The following GALNT3 variants were observed in gnomAD, a reference collection of about 807,000 sequenced individuals.
GALNT3 encodes the protein GalNAc transferase 3.
A neutral mutation model predicts 69.8 loss-of-function variants in GALNT3; 51 were observed. The ratio of observed to expected loss-of-function variants is 0.73; its 90% CI spans 0.58 to 0.92. The LOEUF is 0.92. Among genes scored for constraint, GALNT3 ranks in the 40% least tolerant of loss-of-function variants. GALNT3 has a pLI of 0.00. For missense variants in GALNT3, 711 were observed against 760.0 expected (o/e 0.94, Z 0.76); for synonymous variants, 265 against 248.5 (o/e 1.07, Z -0.63).
At chr2:165,754,338 C>T (rs1688406000) in intron 9 of GALNT3, among the ~76,000 whole-genome samples, 1 of 151,198 alleles carries the variant, frequency 6.6e-6, no homozygotes, top group South Asian at 2.1e-4. Flanking sequence ...GATCCACCCA[C>T]CTCAGCCTCC....
chr2:165,760,746 G>A (rs1208319752), intron 4 of GALNT3, among the ~76,000 whole-genome samples: 1 of 152,064 alleles, frequency 6.6e-6, no homozygotes, highest in Non-Finnish European at 1.5e-5. Flanking sequence ...ACTAGTAATT[G>A]GGTGAAACAT....
In GALNT3 at chr2:165,765,027, G is replaced by C. The variant is rs1412457629; in HGVS notation, c.545C>G (p.Pro182Arg). ...ECIEQKFKRC[P>R]PLPTTSVIIV... Reference sequence around the variant, plus strand: ...TATGACACTGGTGGTGGGCAGGGGAGGGCAGCGCTTAAATTTTTGTTCAAT... The same window carrying C: ...TATGACACTGGTGGTGGGCAGGGGACGGCAGCGCTTAAATTTTTGTTCAAT... Residue 182 changes from proline (P) to arginine (R), a missense_variant, in exon 3 of 11, where the codon CCT becomes CGT. Transcript: ENST00000392701. 1.9e-6 allele frequency: 3 copies of C among 1,614,156 alleles called. No individual in the cohort carries two copies. Among genetic ancestry groups the C allele is most frequent in the South Asian group, 2.2e-5 (2 of 91,086 alleles).
intron 7 of GALNT3, among the ~76,000 whole-genome samples, chr2:165,755,979 T>C (rs1245607836): frequency 1.3e-5 from 2 of 152,172 alleles, no homozygotes; most frequent in Non-Finnish European, 2.9e-5. Context: ...GAGCATAAGC[T>C]TCATTTAGTG....
At chr2:165,780,727 T>C (rs1683087909) in intron 1 of GALNT3, among the ~76,000 whole-genome samples, 1 of 151,768 alleles carries the variant, frequency 6.6e-6, no homozygotes, top group South Asian at 2.1e-4. Context: ...GCCACAGGCA[T>C]GAGTTGAAAG....
intron 1 of GALNT3, among the ~76,000 whole-genome samples, chr2:165,791,985 T>C (rs1683364533): frequency 6.6e-6 from 1 of 152,118 alleles, no homozygotes; most frequent in Non-Finnish European, 1.5e-5. Context: ...AAGATAAACA[T>C]CTTATGGTAA....
chr2:165,750,879 T>A (rs1328834343), intron 9 of GALNT3, among the ~76,000 whole-genome samples: 1 of 152,114 alleles, frequency 6.6e-6, no homozygotes, highest in East Asian at 1.9e-4. Flanking sequence ...TGGAATACAC[T>A]TTTGACCCTT....
upstream of GALNT3, chr2:165,794,588 C>A (rs1010852939): frequency 6.6e-6 from 1 of 152,370 alleles, no homozygotes; most frequent in Non-Finnish European, 1.5e-5. Flanking sequence ...CCTTCCTCCT[C>A]GGTTCGCCAA....
chr2:165,766,049 G>C (rs1327214484), intron 2 of GALNT3, among the ~76,000 whole-genome samples: 1 of 152,130 alleles, frequency 6.6e-6, no homozygotes, highest in Non-Finnish European at 1.5e-5. Flanking sequence ...ATAGTGGTGG[G>C]ATTATAGGGG....
rs1436508191 is a variant in GALNT3, at chr2:165,792,191, T to C, written c.-109+1824A>G. On this transcript the variant is annotated intron_variant, in intron 1 of 10. Coordinates refer to ENST00000392701, the MANE Select transcript of GALNT3 (RefSeq NM_004482.4). ...TGCTAGGGCTGGAAGATACTCCTGA[T>C]TGTTTTTAAGGTTTTGTTATCTTAA... is the stretch of plus-strand genomic sequence containing the variant. Among the ~76,000 whole-genome samples the C allele has an allele frequency of 2.0e-5, 3 of 152,234 alleles. No individual in the cohort carries two copies. In the East Asian group the frequency reaches 5.8e-4, roughly 29 times the overall value.
chr2:165,761,636 AGGATAACTGGCT>A lies in GALNT3; in HGVS notation c.838+257_838+268del, dbSNP rs1041828641. ...AACATGGAAAAAAAAAAAAGAGGCA[AGGATAACTGGCT>A]GGAACAGCTAGTAACTGGAGAACAC... On this transcript the variant is annotated intron_variant, in intron 4 of 10. Transcript: ENST00000392701. 4 of 641,022 alleles carry A rather than the reference AGGATAACTGGCT, an allele frequency of 6.2e-6. No homozygotes were observed. The African/African-American group carries it at 7.4e-5, about 12-fold the overall frequency. The allele number at this position is 641,022 out of a possible 1,614,324, so 39.7% of individuals were successfully genotyped here.
intron 1 of GALNT3, among the ~76,000 whole-genome samples, chr2:165,775,666 G>T (rs1048633384): frequency 6.6e-6 from 1 of 152,122 alleles, no homozygotes; most frequent in East Asian, 1.9e-4. Flanking sequence ...TTAGTGAAAA[G>T]CTCTTAAAAA....
chr2:165,769,572 G>A (rs917264498), intron 2 of GALNT3, among the ~76,000 whole-genome samples: 2 of 151,818 alleles, frequency 1.3e-5, no homozygotes, highest in Non-Finnish European at 2.9e-5. Flanking sequence ...TGGGCAACAT[G>A]GTGAAACCCC....
intron 4 of GALNT3, chr2:165,761,634 CAAGGATAACTGGCTGGAACAGCTAGTA>C (rs1465604181): frequency 1.0e-5 from 6 of 595,478 alleles, no homozygotes; most frequent in Non-Finnish European, 1.8e-5. Context: ...AAAAAAGAGG[CAAGGATAACTGGCTGGAACAGCTAGTA>C]ACTGGAGAAC....
Position 165,749,818 on chromosome 2 carries a change from A to G in GALNT3, c.1703T>C (p.Leu568Pro). The change falls in exon 10 of 11, where the codon CTC becomes CCC. Residue 568 changes from leucine (L) to proline (P), a missense_variant. Physicochemically the swap from Leu to Pro is moderately conservative, Grantham distance 98. Transcript: ENST00000392701. The stretch of plus-strand genomic sequence containing the variant: ...GTAGGTACATGCCTTCAGCTGAACG[A>G]GACCTTGAGCAGCATGAAGACATAA... ...KELCLHAAQG[L>P]VQLKACTYKG... 6.2e-7 allele frequency: 1 copy of G among 1,613,758 alleles called. No homozygotes were observed. The highest frequency in any genetic ancestry group is 8.5e-7 in the Non-Finnish European group (1 of 1,179,688).
chr2:165,770,388 C>T lies in GALNT3; in HGVS notation c.313G>A (p.Ala105Thr). The T allele has an allele frequency of 6.2e-7, 1 of 1,614,212 alleles. No individual in the cohort carries two copies. Among genetic ancestry groups the T allele is most frequent in the African/African-American group, 1.3e-5 (1 of 75,056 alleles). The change falls in exon 2 of 11, where the codon GCA becomes ACA. Residue 105 changes from alanine to threonine, a missense_variant. Transcript: ENST00000392701. ...RPCLQGYYTA[A>T]ELKPVLDRPP... ...CGGTCAAGGACAGGCTTCAATTCTG[C>T]TGCTGTATAATATCCTTGCAAACAA...
At chr2:165,761,204 C>CA (rs1265813138) in intron 4 of GALNT3, among the ~76,000 whole-genome samples, 3 of 151,966 alleles carry the variant, frequency 2.0e-5, no homozygotes, top group Non-Finnish European at 4.4e-5. Flanking sequence ...TATATTCACT[C>CA]ACTCATTCAT....
intron 2 of GALNT3, among the ~76,000 whole-genome samples, chr2:165,769,100 T>C (rs1688700917): frequency 1.3e-5 from 2 of 149,372 alleles, no homozygotes; most frequent in South Asian, 4.3e-4. Context: ...TGGCCTATCT[T>C]GTACACTTAA....
intron 1 of GALNT3, among the ~76,000 whole-genome samples, chr2:165,789,918 G>C (rs1683307917): frequency 1.3e-5 from 2 of 152,170 alleles, no homozygotes. Context: ...TTCAAGTTTT[G>C]CTAACAAATG....
At chr2:165,770,029 A>G in intron 2 of GALNT3, 157 bp downstream of exon 2, 1 of 847,008 alleles carries the variant, frequency 1.2e-6, no homozygotes, top group Non-Finnish European at 1.9e-6. Flanking sequence ...AGCCTCAATC[A>G]TTATAAGCAA....
Sources: gnomAD v4.1 joint callset for allele counts (sites outside exome capture counted in the v4.1 genomes callset) on GRCh38, gnomAD v4.1.1 for gene constraint, MANE v1.5 for transcripts, NCBI Gene and HGNC (gene_info 2026-07-23, HGNC 2026-07-21) for gene names.